HIRA: variants seen among roughly 807,000 people sequenced by gnomAD.
HIRA encodes the protein histone cell cycle regulator, also known as protein HIRA.
A neutral mutation model predicts 126.6 loss-of-function variants in HIRA; 13 were observed. The ratio of observed to expected loss-of-function variants is 0.10; its 90% CI spans 0.07 to 0.16. The LOEUF is 0.16. Ranked by LOEUF, HIRA falls within the 10% of genes least tolerant of loss-of-function variation. HIRA has a pLI of 1.00. For missense variants in HIRA, 834 were observed against 1,314.4 expected, an observed-to-expected ratio of 0.63 and a Z score of 5.65; for synonymous variants, 511 against 520.0, an observed-to-expected ratio of 0.98 and a Z score of 0.24.
At position 19,331,176 on chromosome 22, in the gene HIRA, C is replaced by T. The variant is rs1422175470; in HGVS notation, c.*264G>A. ...AGGCCTGGGACTGCCTTGCTGGCCC[C>T]AGGGCACCTGGGCAGAGCTCCAGCC... On this transcript the variant is annotated 3_prime_UTR_variant, in exon 25 of 25. Coordinates refer to ENST00000263208, the MANE Select transcript of HIRA (RefSeq NM_003325.4). The T allele has an allele frequency of 3.6e-6, 5 of 1,395,632 alleles. No homozygotes were observed. Among genetic ancestry groups the T allele is most frequent in the Non-Finnish European group, 4.7e-6 (5 of 1,057,058 alleles). 86.5% of individuals were successfully genotyped at this position (1,395,632 alleles called of 1,614,324 possible).
Position 19,405,782 on chromosome 22 carries a change from T to G in HIRA, c.397+4A>C. 1 of 1,433,332 alleles carries G rather than the reference T, an allele frequency of 7.0e-7. No individual in the cohort carries two copies. Among genetic ancestry groups the G allele is most frequent in the Non-Finnish European group, 9.2e-7 (1 of 1,082,596 alleles). The allele number at this position is 1,433,332 out of a possible 1,614,324, so 88.8% of individuals were successfully genotyped here. ...CACCCACCCCAACAGGCAGTCCCAC[T>G]CACCGCCTGAATGATTCCGGAGGAT... On this transcript the variant is annotated splice_donor_region_variant and intron_variant, in intron 5 of 24. Transcript: ENST00000263208.
chr22:19,365,698 C>T (rs2088905909), intron 15 of HIRA: 1 of 152,252 alleles, frequency 6.6e-6, no homozygotes, highest in Non-Finnish European at 1.5e-5. Context: ...ACACAACACA[C>T]ATTCTGCAGC....
At position 19,361,221 on chromosome 22, in the gene HIRA, G is replaced by T; in HGVS notation, c.2085+16C>A. On this transcript the variant is annotated intron_variant, in intron 17 of 24. Transcript: ENST00000263208. ...GGGTGTGCCTGAGGGAGAACTGGCA[G>T]GGTCCTAGAACTTACCTGGAGGGTG... 6.3e-7 allele frequency: 1 copy of T among 1,592,656 alleles called. No homozygotes were observed. Among genetic ancestry groups the T allele is most frequent in the Non-Finnish European group, 8.6e-7 (1 of 1,160,410 alleles).
chr22:19,430,778 T>C (rs1457164547), intron 1 of HIRA, among the ~76,000 whole-genome samples: 1 of 152,142 alleles, frequency 6.6e-6, no homozygotes, highest in Non-Finnish European at 1.5e-5. Flanking sequence ...ATGGGGTGGA[T>C]GAGTCCGTTC....
At chr22:19,379,696 T>C (rs1012244345) in intron 13 of HIRA, among the ~76,000 whole-genome samples, 3 of 151,456 alleles carry the variant, frequency 2.0e-5, no homozygotes, top group Non-Finnish European at 4.4e-5. Context: ...TTCATATGCT[T>C]TGTCTACTGT....
At chr22:19,404,132 C>T (rs2089290609) in intron 5 of HIRA, among the ~76,000 whole-genome samples, 1 of 152,184 alleles carries the variant, frequency 6.6e-6, no homozygotes, top group East Asian at 1.9e-4. Context: ...GTATATATTT[C>T]TCACACTTTG....
At chr22:19,421,016 G>A (rs1190686374) in intron 1 of HIRA, among the ~76,000 whole-genome samples, 1 of 152,064 alleles carries the variant, frequency 6.6e-6, no homozygotes, top group African/African-American at 2.4e-5. Context: ...ATGCACAGCA[G>A]GCTGGGCGCA....
chr22:19,399,750 C>T (rs2089252430), intron 5 of HIRA, among the ~76,000 whole-genome samples: 1 of 152,118 alleles, frequency 6.6e-6, no homozygotes, highest in African/African-American at 2.4e-5. Context: ...TGACTTTTTC[C>T]CCTTCCGACT....
rs184831210 is a variant in HIRA, at chr22:19,349,925, C to T, written c.2937+1433G>A. On this transcript the variant is annotated intron_variant, in intron 24 of 24. Transcript: ENST00000263208. ...TGGATGTTCTTCTCCCAAATATATG[C>T]ATGGTTTCATCCCTCACCTTTTCTG... is the stretch of plus-strand genomic sequence containing the variant. Among the ~76,000 whole-genome samples the T allele has an allele frequency of 3.3e-5, 5 of 152,270 alleles. No individual in the cohort carries two copies. The East Asian group carries it at 9.6e-4, about 29-fold the overall frequency.
At chr22:19,395,329 G>A (rs780579700) in intron 7 of HIRA, among the ~76,000 whole-genome samples, 4 of 152,060 alleles carry the variant, frequency 2.6e-5, no homozygotes, top group African/African-American at 9.7e-5. Flanking sequence ...CAGCCTAGGT[G>A]ACAGAACCAC....
intron 24 of HIRA, among the ~76,000 whole-genome samples, chr22:19,344,421 A>T (rs1222556489): frequency 6.6e-6 from 1 of 152,208 alleles, no homozygotes; most frequent in Non-Finnish European, 1.5e-5. Context: ...CTGATAACCT[A>T]CATAAAATGG....
chr22:19,400,085 A>G (rs892703983), intron 5 of HIRA, among the ~76,000 whole-genome samples: 1 of 152,238 alleles, frequency 6.6e-6, no homozygotes, highest in African/African-American at 2.4e-5. Context: ...CAATCTCCAC[A>G]GACACATATA....
rs1447367518 is a variant in HIRA, at chr22:19,410,764, A to C, written c.52T>G (p.Ser18Ala). 1 of 1,613,904 alleles carries C rather than the reference A, an allele frequency of 6.2e-7. No homozygotes were observed. The highest frequency in any genetic ancestry group is 1.7e-5 in the Admixed American group (1 of 59,998). Residue 18 changes from serine (S) to alanine (A), a missense_variant, in exon 2 of 25, where the codon TCA becomes GCA. By Grantham distance (99) the Ser-to-Ala change is moderately conservative (BLOSUM62 1). Transcript: ENST00000263208. ...WVNHNGKPIF[S>A]VDIHPDGTKF... ...GTCCCGTCAGGGTGAATATCAACTG[A>C]AAAAATCGGCTTGCCTGGAAACAAA...
At chr22:19,421,151 T>C (rs924171320) in intron 1 of HIRA, among the ~76,000 whole-genome samples, 4 of 151,926 alleles carry the variant, frequency 2.6e-5, no homozygotes, top group African/African-American at 9.7e-5. Flanking sequence ...TACAAAAAAT[T>C]TATTGGGTGT....
intron 9 of HIRA, 52 bp downstream of exon 9, chr22:19,392,049 T>A: frequency 1.4e-5 from 15 of 1,089,188 alleles, no homozygotes; most frequent in Non-Finnish European, 1.9e-5. Context: ...CTTGCTACTT[T>A]ACCAACCTAC....
chr22:19,356,816 T>G, intron 19 of HIRA, 74 bp downstream of exon 19: 1 of 1,428,656 alleles, frequency 7.0e-7, no homozygotes, highest in Non-Finnish European at 9.7e-7. Flanking sequence ...TCCCTGCCCC[T>G]GCAGTGAGGT....
At chr22:19,380,875 C>T (rs1172871330) in intron 13 of HIRA, among the ~76,000 whole-genome samples, 8 of 152,186 alleles carry the variant, frequency 5.3e-5, no homozygotes, top group Admixed American at 2.6e-4. Context: ...CTGCCTGCCT[C>T]GGCCTCCCAA....
Position 19,331,051 on chromosome 22 carries a change from G to T in HIRA, c.*389C>A. Reference sequence around the variant, plus strand: ...GTCTGCTGTAATACCTAACGCTTCCGGATTCTCTCTCACAAATGGCTCAAT... The same window carrying T: ...GTCTGCTGTAATACCTAACGCTTCCTGATTCTCTCTCACAAATGGCTCAAT... On this transcript the variant is annotated 3_prime_UTR_variant, in exon 25 of 25. Coordinates refer to ENST00000263208, the MANE Select transcript of HIRA (RefSeq NM_003325.4). The T allele has an allele frequency of 1.0e-6, 1 of 954,078 alleles. No homozygotes were observed. 59.1% of individuals were successfully genotyped at this position (954,078 alleles called of 1,614,324 possible).
chr22:19,416,438 C>T (rs775845482), intron 1 of HIRA, among the ~76,000 whole-genome samples: 1 of 152,122 alleles, frequency 6.6e-6, no homozygotes, highest in African/African-American at 2.4e-5. Context: ...ACCCTCCCAC[C>T]TCAGTCTCCT....
Sources: allele counts gnomAD v4.1 joint callset (sites outside exome capture counted in the v4.1 genomes callset), GRCh38; gene constraint gnomAD v4.1.1; transcripts MANE v1.5; gene names NCBI Gene and HGNC (gene_info 2026-07-23, HGNC 2026-07-21).